Variants in ASAP1 observed in about 807,000 individuals in gnomAD.
The protein encoded by ASAP1 is arf-GAP with SH3 domain, ANK repeat and PH domain-containing protein 1.
Under a neutral mutation model 145.2 loss-of-function variants are expected in ASAP1, and 43 were observed. The ratio of observed to expected loss-of-function variants is 0.30; its 90% CI spans 0.23 to 0.38. The LOEUF (loss-of-function observed/expected upper bound fraction) is 0.38. Among genes scored for constraint, ASAP1 ranks in the 10% least tolerant of loss-of-function variants. The pLI is 1.00. For synonymous variants in ASAP1, 546 were observed against 515.5 expected (o/e 1.06, Z -0.80); for missense variants, 1,018 against 1,355.3 (o/e 0.75, Z 3.91).
intron 2 of ASAP1, among the ~76,000 whole-genome samples, chr8:130,375,870 T>C (rs1218054326): frequency 6.6e-6 from 1 of 152,228 alleles, no homozygotes; most frequent in African/African-American, 2.4e-5. Flanking sequence ...TCTACAGCCA[T>C]ACCTTTGCTG....
intron 25 of ASAP1, among the ~76,000 whole-genome samples, chr8:130,091,145 C>G (rs2097504602): frequency 1.3e-5 from 2 of 152,192 alleles, no homozygotes; most frequent in Non-Finnish European, 2.9e-5. Context: ...TTTATTCATT[C>G]TCAAGTGATT....
At chr8:130,132,816 TTCTC>T (rs950808285) in intron 15 of ASAP1, among the ~76,000 whole-genome samples, 5 of 150,208 alleles carry the variant, frequency 3.3e-5, no homozygotes, top group Non-Finnish European at 5.9e-5. Context: ...TCTTTCTACC[TTCTC>T]TCTCAGTTTT....
At chr8:130,181,949 T>A (rs1814385835) in intron 7 of ASAP1, among the ~76,000 whole-genome samples, 1 of 152,234 alleles carries the variant, frequency 6.6e-6, no homozygotes, top group Non-Finnish European at 1.5e-5. Flanking sequence ...CCAACATCCT[T>A]ACCTATACAC....
chr8:130,366,185 A>C (rs1826940709), intron 2 of ASAP1, among the ~76,000 whole-genome samples: 1 of 151,806 alleles, frequency 6.6e-6, no homozygotes, highest in African/African-American at 2.4e-5. Context: ...TCCCGTCTAC[A>C]ACAGATTATG....
chr8:130,219,449 TAG>T (rs1263114820), intron 4 of ASAP1, among the ~76,000 whole-genome samples: 1 of 151,922 alleles, frequency 6.6e-6, no homozygotes, highest in East Asian at 1.9e-4. Context: ...TTCAGAGGTA[TAG>T]GGAAGAGGAG....
chr8:130,340,484 G>A (rs1225381724), intron 3 of ASAP1, among the ~76,000 whole-genome samples: 1 of 152,200 alleles, frequency 6.6e-6, no homozygotes, highest in Non-Finnish European at 1.5e-5. Flanking sequence ...CTAGGAGAAA[G>A]GGCAGAAGCA....
At chr8:130,174,649 C>T (rs1813828666) in intron 9 of ASAP1, among the ~76,000 whole-genome samples, 1 of 152,204 alleles carries the variant, frequency 6.6e-6, no homozygotes, top group African/African-American at 2.4e-5. Context: ...GGCCAATAAC[C>T]AACAGCCAAT....
At chr8:130,121,115 T>A (rs544748183) in intron 18 of ASAP1, among the ~76,000 whole-genome samples, 1 of 152,170 alleles carries the variant, frequency 6.6e-6, no homozygotes, top group African/African-American at 2.4e-5. Context: ...TCAAAATACA[T>A]TGGGAAGTCA....
intron 29 of ASAP1, 78 bp from the exon 30 acceptor site, chr8:130,054,883 A>G: frequency 8.7e-7 from 1 of 1,154,912 alleles, no homozygotes; most frequent in Non-Finnish European, 1.3e-6. Context: ...GTAAGAGCCC[A>G]GCCTAGTCTG....
At chr8:130,072,306 G>A (rs764709089) in intron 27 of ASAP1, among the ~76,000 whole-genome samples, 1 of 152,144 alleles carries the variant, frequency 6.6e-6, no homozygotes, top group East Asian at 1.9e-4. Context: ...TTGTGGGAGG[G>A]ATCTGATGGG....
At chr8:130,181,761 C>G (rs1414114510) in intron 7 of ASAP1, among the ~76,000 whole-genome samples, 1 of 152,196 alleles carries the variant, frequency 6.6e-6, no homozygotes, top group Non-Finnish European at 1.5e-5. Context: ...ATAGATGATA[C>G]TCTGGTAATA....
chr8:130,087,345 C>A (rs1245770835), intron 25 of ASAP1, among the ~76,000 whole-genome samples: 2 of 152,100 alleles, frequency 1.3e-5, no homozygotes, highest in Non-Finnish European at 2.9e-5. Flanking sequence ...CATGGTGAAA[C>A]CCCGTCTCTA....
intron 9 of ASAP1, among the ~76,000 whole-genome samples, chr8:130,170,730 C>T (rs990461281): frequency 1.1e-4 from 16 of 150,470 alleles, no homozygotes; most frequent in African/African-American, 3.7e-4. Context: ...TGTAAAGCCT[C>T]ATCTCTCTCT....
At chr8:130,378,786 T>C (rs1827626080) in intron 2 of ASAP1, among the ~76,000 whole-genome samples, 1 of 152,210 alleles carries the variant, frequency 6.6e-6, no homozygotes, top group Admixed American at 6.5e-5. Context: ...AAATGCATAT[T>C]AGCAGTTCTA....
chr8:130,207,874 T>G (rs968825575), intron 5 of ASAP1, among the ~76,000 whole-genome samples: 1 of 152,196 alleles, frequency 6.6e-6, no homozygotes, highest in Non-Finnish European at 1.5e-5. Flanking sequence ...GGACTTCAAT[T>G]AGAGGAAGAA....
intron 2 of ASAP1, among the ~76,000 whole-genome samples, chr8:130,371,192 C>G (rs1456209330): frequency 6.6e-6 from 1 of 151,996 alleles, no homozygotes; most frequent in Non-Finnish European, 1.5e-5. Context: ...TCACTGCAAC[C>G]CTACAAAGTA....
chr8:130,303,292 TA>T (rs922033721), intron 3 of ASAP1, among the ~76,000 whole-genome samples: 8 of 152,230 alleles, frequency 5.3e-5, no homozygotes, highest in Admixed American at 5.2e-4. Context: ...AGTGTATGCC[TA>T]AAATACTTTC....
At chr8:130,196,209 G>A (rs1392807589) in intron 5 of ASAP1, among the ~76,000 whole-genome samples, 2 of 152,170 alleles carry the variant, frequency 1.3e-5, no homozygotes, top group African/African-American at 2.4e-5. Context: ...AGGTGTGTTG[G>A]CAGGCACCTG....
At chr8:130,440,437 G>A (rs146810183) in intron 1 of ASAP1, among the ~76,000 whole-genome samples, 4,365 of 151,690 alleles carry the variant, frequency 0.029, 203 homozygotes, top group African/African-American at 0.095. Context: ...AACCCAGGAG[G>A]CAGAGGTTGC....
Sources: gnomAD v4.1 joint callset for allele counts (sites outside exome capture counted in the v4.1 genomes callset) on GRCh38, gnomAD v4.1.1 for gene constraint, MANE v1.5 for transcripts, NCBI Gene and HGNC (gene_info 2026-07-23, HGNC 2026-07-21) for gene names.